ADAMTSL1: variants seen among roughly 807,000 people sequenced by gnomAD.
The protein encoded by ADAMTSL1 is ADAMTS-like protein 1.
Under a neutral mutation model 201.8 loss-of-function variants are expected in ADAMTSL1, and 126 were observed. That is an observed-to-expected ratio of 0.62 (90% CI 0.54 to 0.72). The LOEUF (loss-of-function observed/expected upper bound fraction) is 0.72. Among genes scored for constraint, ADAMTSL1 ranks in the 30% least tolerant of loss-of-function variants. The pLI, the probability that ADAMTSL1 is intolerant of heterozygous loss-of-function variation, is 0.00. For missense variants in ADAMTSL1, 2,679 were observed against 2,277.8 expected (o/e 1.18, Z -3.59); for synonymous variants, 1,121 against 903.4 (o/e 1.24, Z -4.32).
At chr9:18,276,102 C>T (rs1832576621) in intron 2 of ADAMTSL1, among the ~76,000 whole-genome samples, 1 of 152,076 alleles carries the variant, frequency 6.6e-6, no homozygotes, top group Admixed American at 6.6e-5. Context: ...TGGTTGTGTA[C>T]TGATACCCAA....
chr9:18,210,281 T>C (rs964238205), intron 2 of ADAMTSL1, among the ~76,000 whole-genome samples: 1 of 150,928 alleles, frequency 6.6e-6, no homozygotes, highest in Non-Finnish European at 1.5e-5. Flanking sequence ...AATACTTTAA[T>C]TAAAATTTTA....
intron 14 of ADAMTSL1, among the ~76,000 whole-genome samples, chr9:18,710,717 G>T (rs1378746058): frequency 3.1e-5 from 4 of 129,274 alleles, no homozygotes; most frequent in Admixed American, 8.5e-5. Flanking sequence ...TTAATTAAGG[G>T]TTTTAGTTTA....
At chr9:18,260,730 C>T (rs1831886249) in intron 2 of ADAMTSL1, among the ~76,000 whole-genome samples, 1 of 152,168 alleles carries the variant, frequency 6.6e-6, no homozygotes, top group African/African-American at 2.4e-5. Context: ...TGTGGTCCCT[C>T]TCCGAGGCAC....
chr9:18,253,123 G>C (rs1292798172), intron 2 of ADAMTSL1, among the ~76,000 whole-genome samples: 1 of 152,126 alleles, frequency 6.6e-6, no homozygotes, highest in Non-Finnish European at 1.5e-5. Flanking sequence ...TGATGAGTGA[G>C]GAAACCAAGG....
At chr9:18,633,638 CTTTTTT>C (rs58807960) in intron 5 of ADAMTSL1, among the ~76,000 whole-genome samples, 6 of 123,792 alleles carry the variant, frequency 4.8e-5, no homozygotes, top group African/African-American at 1.8e-4. Flanking sequence ...CTAATCTTAA[CTTTTTT>C]TTTTTTTTTT....
At chr9:18,686,200 C>T (rs1482150726) in intron 13 of ADAMTSL1, among the ~76,000 whole-genome samples, 2 of 152,216 alleles carry the variant, frequency 1.3e-5, no homozygotes, top group African/African-American at 2.4e-5. Context: ...GGATTGCAGG[C>T]GTGAGCCACA....
chr9:18,859,630 CA>C (rs1266901422), intron 23 of ADAMTSL1, among the ~76,000 whole-genome samples: 1 of 152,124 alleles, frequency 6.6e-6, no homozygotes. Context: ...GGCAATTTAG[CA>C]ATGTATATCA....
At position 18,070,255 on chromosome 9, in the gene ADAMTSL1, G is replaced by T. The variant is rs370597211; in HGVS notation, c.88-93607G>T. ...TGAGGGAGGAAAACATGTCCTGAAG[G>T]AGTGGATAGCCAGTCCTTCCACAGA... On this transcript the variant is annotated intron_variant, in intron 1 of 29. Coordinates refer to the ADAMTSL1 transcript ENST00000680146. Among the ~76,000 whole-genome samples the T allele has an allele frequency of 3.3e-5, 5 of 152,320 alleles. No homozygotes were observed. The East Asian group carries it at 9.7e-4, about 29-fold the overall frequency.
intron 2 of ADAMTSL1, among the ~76,000 whole-genome samples, chr9:18,170,050 C>G (rs915843182): frequency 6.6e-6 from 1 of 151,962 alleles, no homozygotes; most frequent in Admixed American, 6.6e-5. Context: ...AAGAAAAAAT[C>G]AGAACATCCT....
intron 2 of ADAMTSL1, among the ~76,000 whole-genome samples, chr9:18,425,128 C>T (rs1819147668): frequency 6.6e-6 from 1 of 151,918 alleles, no homozygotes; most frequent in Non-Finnish European, 1.5e-5. Flanking sequence ...GTACAGTGTG[C>T]ATTCTCTCTC....
intron 2 of ADAMTSL1, among the ~76,000 whole-genome samples, chr9:18,291,729 TCTCTCTCTCTCTCTCTCTCACACACACA>T (rs1193508894): frequency 7.8e-6 from 1 of 128,698 alleles, no homozygotes; most frequent in Non-Finnish European, 1.6e-5. Context: ...TCTCTCTCTC[TCTCTCTCTCTCTCTCTCTCACACACACA>T]CACACACACA....
At chr9:18,200,382 A>G (rs917400674) in intron 2 of ADAMTSL1, among the ~76,000 whole-genome samples, 3 of 152,088 alleles carry the variant, frequency 2.0e-5, no homozygotes, top group Non-Finnish European at 4.4e-5. Context: ...TTGGAACTGT[A>G]TAAATTCTTT....
chr9:17,962,621 A>G (rs1817798699), intron 1 of ADAMTSL1, among the ~76,000 whole-genome samples: 1 of 152,318 alleles, frequency 6.6e-6, no homozygotes, highest in East Asian at 1.9e-4. Flanking sequence ...GTGTGCTTCA[A>G]GTTCAGAACT....
intron 13 of ADAMTSL1, among the ~76,000 whole-genome samples, chr9:18,690,901 A>C (rs1027356765): frequency 6.6e-6 from 1 of 152,180 alleles, no homozygotes; most frequent in African/African-American, 2.4e-5. Context: ...CACACCTCCT[A>C]ATGATGGAAG....
rs749679766 is a variant in ADAMTSL1 at position 18,906,965 on chromosome 9, G to A, written c.5182+53G>A. On this transcript the variant is annotated intron_variant, in intron 28 of 28. Coordinates refer to ENST00000380548, the MANE Select transcript of ADAMTSL1 (RefSeq NM_001040272.6). ...GCAAATTCCCCATAGAGCATCGAGT[G>A]CAGAGAGCAGTCCCTGGGACCGACC... The A allele has an allele frequency of 3.1e-6, 5 of 1,598,146 alleles. No homozygotes were observed. The East Asian group carries it at 1.1e-4, about 36-fold the overall frequency.
At chr9:18,229,427 CACCCTTCCACCCTGCCAG>C (rs1180712904) in intron 2 of ADAMTSL1, among the ~76,000 whole-genome samples, 12 of 152,060 alleles carry the variant, frequency 7.9e-5, no homozygotes, top group African/African-American at 2.9e-4. Flanking sequence ...GTGCCTGCCC[CACCCTTCCACCCTGCCAG>C]GAAATAAATG....
intron 1 of ADAMTSL1, among the ~76,000 whole-genome samples, chr9:17,980,291 C>T (rs1235825247): frequency 6.6e-6 from 1 of 152,008 alleles, no homozygotes; most frequent in Admixed American, 6.6e-5. Flanking sequence ...GTCAGAAATT[C>T]CTATTCTTCC....
rs570746726 is a variant in ADAMTSL1 at position 18,784,029 on chromosome 9, T to C, written c.3677+6123T>C. 3.0e-4 allele frequency among the ~76,000 whole-genome samples: 45 copies of C among 152,330 alleles called. 1 individual carries two copies. The highest frequency in any genetic ancestry group is 1.0e-3 in the African/African-American group (43 of 41,576). On this transcript the variant is annotated intron_variant, in intron 19 of 28. Coordinates refer to ENST00000380548, the MANE Select transcript of ADAMTSL1 (RefSeq NM_001040272.6). ...TTTTATCATTTGACATCCAGTTATC[T>C]CTCCAGCTTCATCTCTTACCATATC... is the stretch of plus-strand genomic sequence containing the variant.
At chr9:18,656,265 A>G (rs1332054730) in intron 7 of ADAMTSL1, among the ~76,000 whole-genome samples, 1 of 151,864 alleles carries the variant, frequency 6.6e-6, no homozygotes, top group Non-Finnish European at 1.5e-5. Flanking sequence ...AGTAGCACAG[A>G]AATAGGGCTA....
Sources: allele counts gnomAD v4.1 joint callset (sites outside exome capture counted in the v4.1 genomes callset), GRCh38; gene constraint gnomAD v4.1.1; transcripts MANE v1.5; gene names NCBI Gene and HGNC (gene_info 2026-07-23, HGNC 2026-07-21).